CTNNA2: variants seen among roughly 807,000 people sequenced by gnomAD.
CTNNA2 encodes the protein catenin alpha 2.
Under a neutral mutation model 101.0 loss-of-function variants are expected in CTNNA2, and 42 were observed. The observed-to-expected ratio is 0.42, with a 90% CI of 0.32 to 0.54. The LOEUF (loss-of-function observed/expected upper bound fraction) is 0.54, where lower values mean the gene tolerates loss of function less well. Ranked by LOEUF, CTNNA2 falls within the 20% of genes least tolerant of loss-of-function variation. The pLI, the probability that CTNNA2 is intolerant of heterozygous loss-of-function variation, is 0.14. For synonymous variants in CTNNA2, 450 were observed against 456.4 expected, an observed-to-expected ratio of 0.99 and a Z score of 0.18; for missense variants, 871 against 1,223.1, an observed-to-expected ratio of 0.71 and a Z score of 4.29.
chr2:79,257,390 AAGC>A (rs373113617), intron 2 of CTNNA2, among the ~76,000 whole-genome samples: 83 of 152,240 alleles, frequency 5.5e-4, no homozygotes, highest in African/African-American at 1.9e-3. Context: ...TAGTTGGAGA[AAGC>A]AGGGGACACA....
At chr2:79,828,427 C>G (rs1459996218) in intron 3 of CTNNA2, among the ~76,000 whole-genome samples, 3 of 152,120 alleles carry the variant, frequency 2.0e-5, no homozygotes, top group Non-Finnish European at 1.5e-5. Context: ...ATACTCAGTG[C>G]CTGGCAGAAA....
At chr2:79,312,475 A>G (rs1417017052) in intron 2 of CTNNA2, among the ~76,000 whole-genome samples, 1 of 152,176 alleles carries the variant, frequency 6.6e-6, no homozygotes, top group East Asian at 1.9e-4. Flanking sequence ...GTATTTATTG[A>G]GTACTTTGTG....
intron 2 of CTNNA2, among the ~76,000 whole-genome samples, chr2:79,737,944 A>T (rs1005393134): frequency 6.6e-6 from 1 of 152,240 alleles, no homozygotes; most frequent in South Asian, 2.1e-4. Context: ...GAGCTTTTGC[A>T]GCCTAAAAGT....
At chr2:80,067,532 C>A (rs1038470314) in intron 7 of CTNNA2, among the ~76,000 whole-genome samples, 1 of 151,944 alleles carries the variant, frequency 6.6e-6, no homozygotes, top group Non-Finnish European at 1.5e-5. Context: ...TGTGGATTGC[C>A]GTAATGTTGT....
At chr2:79,647,440 G>A (rs898210135) in intron 1 of CTNNA2, among the ~76,000 whole-genome samples, 8 of 152,090 alleles carry the variant, frequency 5.3e-5, no homozygotes, top group Non-Finnish European at 4.4e-5. Context: ...TTTCATTTGA[G>A]GAAACTGGGA....
chr2:80,280,162 G>C (rs1244315998), intron 7 of CTNNA2, among the ~76,000 whole-genome samples: 1 of 150,780 alleles, frequency 6.6e-6, no homozygotes, highest in African/African-American at 2.4e-5. Flanking sequence ...GCAGCACTTT[G>C]TAAAGTACAA....
At chr2:80,344,473 G>T (rs572101353) in intron 7 of CTNNA2, among the ~76,000 whole-genome samples, 1 of 152,068 alleles carries the variant, frequency 6.6e-6, no homozygotes, top group African/African-American at 2.4e-5. Context: ...ATGTTTTATT[G>T]GTGTCTCAAT....
chr2:79,555,945 C>T (rs149940267), intron 1 of CTNNA2, among the ~76,000 whole-genome samples: 5 of 152,056 alleles, frequency 3.3e-5, no homozygotes, highest in African/African-American at 9.6e-5. Context: ...CTTTTTGGTT[C>T]TATAAATGGG....
At chr2:80,152,637 G>A (rs927353686) in intron 7 of CTNNA2, among the ~76,000 whole-genome samples, 2 of 151,610 alleles carry the variant, frequency 1.3e-5, no homozygotes, top group Non-Finnish European at 2.9e-5. Context: ...TACCAAAAAG[G>A]GACAAGAGAA....
intron 3 of CTNNA2, among the ~76,000 whole-genome samples, chr2:79,772,004 C>T (rs1356461851): frequency 6.6e-6 from 1 of 150,756 alleles, no homozygotes; most frequent in Admixed American, 6.6e-5. Flanking sequence ...CCCCCTCCTC[C>T]CCTCCCCTCC....
chr2:79,369,092 G>C (rs1677812873), intron 3 of CTNNA2, among the ~76,000 whole-genome samples: 2 of 152,106 alleles, frequency 1.3e-5, no homozygotes, highest in Non-Finnish European at 2.9e-5. Flanking sequence ...CACAGCCACA[G>C]AATTCTCCCC....
chr2:79,610,979 A>G (rs1678234345), intron 1 of CTNNA2, among the ~76,000 whole-genome samples: 1 of 152,162 alleles, frequency 6.6e-6, no homozygotes, highest in East Asian at 1.9e-4. Context: ...ACACTGATAA[A>G]TCTCAAAACC....
intron 9 of CTNNA2, among the ~76,000 whole-genome samples, chr2:80,426,240 A>T (rs1435571816): frequency 1.3e-5 from 2 of 152,210 alleles, no homozygotes; most frequent in Non-Finnish European, 2.9e-5. Flanking sequence ...AATACAAATT[A>T]TGGCAACTCA....
At chr2:80,397,076 G>A (rs1351141633) in intron 8 of CTNNA2, among the ~76,000 whole-genome samples, 4 of 152,136 alleles carry the variant, frequency 2.6e-5, no homozygotes, top group Non-Finnish European at 4.4e-5. Context: ...GTGTTTCCAA[G>A]TAGTACTACA....
chr2:80,499,001 A>G (rs1255283686), intron 9 of CTNNA2, among the ~76,000 whole-genome samples: 4 of 152,202 alleles, frequency 2.6e-5, no homozygotes, highest in Non-Finnish European at 2.9e-5. Flanking sequence ...ATCAAGCAGT[A>G]AGTAACGTGA....
At chr2:79,495,483 A>G (rs1671246823) in intron 4 of CTNNA2, among the ~76,000 whole-genome samples, 1 of 152,216 alleles carries the variant, frequency 6.6e-6, no homozygotes, top group African/African-American at 2.4e-5. Flanking sequence ...GTTGGCAAGG[A>G]TGCGGATAAA....
intron 8 of CTNNA2, among the ~76,000 whole-genome samples, chr2:80,405,133 T>C (rs1678943448): frequency 6.6e-6 from 1 of 152,162 alleles, no homozygotes; most frequent in Non-Finnish European, 1.5e-5. Flanking sequence ...GATCTATTAC[T>C]CCTGTTTGTA....
At chr2:79,411,954 T>C (rs1408280046) in intron 4 of CTNNA2, among the ~76,000 whole-genome samples, 1 of 151,906 alleles carries the variant, frequency 6.6e-6, no homozygotes, top group African/African-American at 2.4e-5. Flanking sequence ...GACTGGCAAA[T>C]TGGATAAAGA....
At chr2:79,792,251 C>G (rs550505573) in intron 3 of CTNNA2, among the ~76,000 whole-genome samples, 13 of 152,120 alleles carry the variant, frequency 8.5e-5, no homozygotes, top group African/African-American at 2.9e-4. Context: ...TTGTACCTGA[C>G]TAGCTTTTCA....
Sources: gnomAD v4.1 joint callset for allele counts (sites outside exome capture counted in the v4.1 genomes callset) on GRCh38, gnomAD v4.1.1 for gene constraint, MANE v1.5 for transcripts, NCBI Gene and HGNC (gene_info 2026-07-23, HGNC 2026-07-21) for gene names.